EXOC6: variants seen among roughly 807,000 people sequenced by gnomAD.
EXOC6 encodes exocyst complex component 6.
Under a neutral mutation model 112.5 loss-of-function variants are expected in EXOC6, and 60 were observed. The observed-to-expected ratio is 0.53, with a 90% CI of 0.43 to 0.66. The LOEUF (loss-of-function observed/expected upper bound fraction) is 0.66, where lower values mean the gene tolerates loss of function less well. Among genes scored for constraint, EXOC6 ranks in the 30% least tolerant of loss-of-function variants. The pLI, the probability that EXOC6 is intolerant of heterozygous loss-of-function variation, is 0.00. For synonymous variants in EXOC6, 295 were observed against 308.0 expected, an observed-to-expected ratio of 0.96 and a Z score of 0.44; for missense variants, 855 against 957.1, an observed-to-expected ratio of 0.89 and a Z score of 1.41.
intron 5 of EXOC6, among the ~76,000 whole-genome samples, chr10:92,908,057 CTTTT>C (rs10632745): frequency 9.9e-5 from 10 of 100,712 alleles, no homozygotes; most frequent in African/African-American, 3.2e-4. Flanking sequence ...AATATAATGT[CTTTT>C]TTTTTTTTTT....
chr10:92,889,069 G>A (rs187052880), intron 1 of EXOC6, among the ~76,000 whole-genome samples: 1 of 152,204 alleles, frequency 6.6e-6, no homozygotes, highest in Admixed American at 6.5e-5. Context: ...AGGTGTTAGT[G>A]GTAGTCAGAT....
chr10:92,897,049 G>A (rs1283866214), intron 4 of EXOC6, among the ~76,000 whole-genome samples: 2 of 152,066 alleles, frequency 1.3e-5, no homozygotes, highest in African/African-American at 2.4e-5. Context: ...CTTTGCCACC[G>A]TCAGGTGCAT....
At chr10:92,914,901 G>A (rs1166711165) in intron 6 of EXOC6, among the ~76,000 whole-genome samples, 1 of 152,174 alleles carries the variant, frequency 6.6e-6, no homozygotes, top group African/African-American at 2.4e-5. Flanking sequence ...CTGGAATTAA[G>A]TTTATATTTT....
intron 1 of EXOC6, among the ~76,000 whole-genome samples, chr10:92,863,565 C>T (rs1848010447): frequency 1.3e-5 from 2 of 151,974 alleles, no homozygotes; most frequent in Admixed American, 1.3e-4. Flanking sequence ...ATTGCTTGAG[C>T]CCAGGAGGTT....
At chr10:92,934,244 C>T (rs1253006774) in intron 10 of EXOC6, 54 bp downstream of exon 10, 3 of 1,522,634 alleles carry the variant, frequency 2.0e-6, no homozygotes, top group South Asian at 1.3e-5. Context: ...TGTTAAATGC[C>T]AGAAATACTT....
rs1364100121 is a variant in EXOC6, at chr10:92,896,109, G to A, written c.412+1089G>A. 6.7e-5 allele frequency among the ~76,000 whole-genome samples: 4 copies of A among 59,382 alleles called. No individual in the cohort carries two copies. In the South Asian group the frequency reaches 2.8e-3, roughly 42 times the overall value. The allele number at this position is 59,382 out of a possible 152,430, so 39.0% of individuals were successfully genotyped here. ...TATATATATATGTGTGTATATATAT[G>A]TGTATATATATGTGTGTGTGTGTGT... On this transcript the variant is annotated intron_variant, in intron 4 of 21. Transcript: ENST00000260762.
At position 93,026,624 on chromosome 10, in the gene EXOC6, A is replaced by T. The variant is rs563827794; in HGVS notation, c.2169+12357A>T. Among the ~76,000 whole-genome samples, 7 of 152,284 alleles carry T rather than the reference A, an allele frequency of 4.6e-5. No individual in the cohort carries two copies. The South Asian group carries it at 1.5e-3, about 32-fold the overall frequency. On this transcript the variant is annotated intron_variant, in intron 20 of 21. Transcript: ENST00000260762. ...TTAGTATCCTTGGTCACATTTTGTA[A>T]TTCTCACAGTATTTCAAACTTTTTC...
chr10:92,827,766 G>A (rs957222073), intron 1 of EXOC6, among the ~76,000 whole-genome samples: 1 of 152,062 alleles, frequency 6.6e-6, no homozygotes, highest in Admixed American at 6.6e-5. Flanking sequence ...CTAGGCTCAG[G>A]GGTTCCCACA....
chr10:93,004,950 G>C (rs553545458), intron 19 of EXOC6, among the ~76,000 whole-genome samples: 4 of 152,258 alleles, frequency 2.6e-5, no homozygotes, highest in African/African-American at 9.6e-5. Context: ...TTCAAAGGCA[G>C]TTAAATGTTA....
At chr10:93,057,317 T>A (rs1846594293) in intron 21 of EXOC6, among the ~76,000 whole-genome samples, 1 of 152,052 alleles carries the variant, frequency 6.6e-6, no homozygotes, top group Admixed American at 6.6e-5. Flanking sequence ...ACTGGGGATG[T>A]GACAATTGGA....
At chr10:92,886,828 C>G (rs1849239829) in intron 1 of EXOC6, among the ~76,000 whole-genome samples, 2 of 152,188 alleles carry the variant, frequency 1.3e-5, no homozygotes, top group Admixed American at 6.5e-5. Flanking sequence ...ATTGGTAGAT[C>G]AAGACCTACT....
chr10:92,858,299 TTAAA>T (rs1472450760), intron 1 of EXOC6, among the ~76,000 whole-genome samples: 3 of 152,204 alleles, frequency 2.0e-5, no homozygotes, highest in Non-Finnish European at 4.4e-5. Flanking sequence ...AATTATTTCT[TTAAA>T]TAGTCATTCT....
chr10:93,044,843 T>G (rs1466349044), intron 20 of EXOC6, among the ~76,000 whole-genome samples: 2 of 152,126 alleles, frequency 1.3e-5, no homozygotes, highest in Admixed American at 6.5e-5. Context: ...TCTGGGGACT[T>G]AAATATTTAG....
At chr10:92,885,375 G>GCCATATTTGT (rs1849161817) in intron 1 of EXOC6, among the ~76,000 whole-genome samples, 1 of 151,272 alleles carries the variant, frequency 6.6e-6, no homozygotes, top group African/African-American at 2.4e-5. Flanking sequence ...GAAGGTTAAA[G>GCCATATTTGT]TCAGCTCTTT....
intron 8 of EXOC6, among the ~76,000 whole-genome samples, chr10:92,926,528 TA>T (rs1216998130): frequency 4.4e-4 from 60 of 137,000 alleles, no homozygotes; most frequent in Admixed American, 8.0e-4. Context: ...AAAAGAAAAA[TA>T]AAAAAAAAAA....
intron 4 of EXOC6, among the ~76,000 whole-genome samples, chr10:92,896,127 G>GTATATATA (rs1849767167): frequency 6.8e-5 from 2 of 29,242 alleles, no homozygotes; most frequent in African/African-American, 5.4e-4. Flanking sequence ...ATATGTGTGT[G>GTATATATA]TGTGTGTGTG....
At chr10:92,837,039 T>C (rs2133576765) in intron 1 of EXOC6, among the ~76,000 whole-genome samples, 1 of 151,478 alleles carries the variant, frequency 6.6e-6, no homozygotes, top group South Asian at 2.1e-4. Flanking sequence ...GTTACTAAGA[T>C]ATAAGTAAGA....
intron 8 of EXOC6, 99 bp from the exon 9 acceptor site, chr10:92,928,240 G>A: frequency 1.6e-6 from 1 of 609,404 alleles, no homozygotes; most frequent in Non-Finnish European, 2.9e-6. Flanking sequence ...TTACATTCTA[G>A]TTAGAGAATT....
intron 19 of EXOC6, among the ~76,000 whole-genome samples, chr10:93,013,537 G>A (rs549379414): frequency 6.6e-6 from 1 of 152,276 alleles, no homozygotes; most frequent in Non-Finnish European, 1.5e-5. Context: ...GAACCTGGGA[G>A]GCAGAGGTTG....
Sources: allele counts gnomAD v4.1 joint callset (sites outside exome capture counted in the v4.1 genomes callset), GRCh38; gene constraint gnomAD v4.1.1; transcripts MANE v1.5; gene names NCBI Gene and HGNC (gene_info 2026-07-23, HGNC 2026-07-21).